FHIT: variants seen among roughly 807,000 people sequenced by gnomAD.
FHIT encodes the protein fragile histidine triad diadenosine triphosphatase, also known as bis(5'-adenosyl)-triphosphatase.
A neutral mutation model predicts 17.9 loss-of-function variants in FHIT; 19 were observed. The observed-to-expected ratio is 1.06, with a 90% CI of 0.74 to 1.56. The LOEUF is 1.56. Among genes scored for constraint, FHIT ranks in the 40% most tolerant of loss-of-function variants. The pLI, the probability that FHIT is intolerant of heterozygous loss-of-function variation, is 0.00. For missense variants in FHIT, 248 were observed against 189.2 expected (o/e 1.31, Z -1.82); for synonymous variants, 81 against 69.7 (o/e 1.16, Z -0.81).
chr3:60,018,576 C>T (rs547067798), intron 5 of FHIT, among the ~76,000 whole-genome samples: 1 of 151,992 alleles, frequency 6.6e-6, no homozygotes, highest in Non-Finnish European at 1.5e-5. Context: ...CAATAACTGT[C>T]AGAGATCATC....
In FHIT at chr3:60,175,662, T is replaced by C. The variant is rs114296296; in HGVS notation, c.104-161510A>G. ...GCACATTTATACACATATTCTACAA[T>C]GGACAATAAAATGAGAAATGCACAG... On this transcript the variant is annotated intron_variant, in intron 5 of 9. Transcript: ENST00000492590. Among the ~76,000 whole-genome samples the C allele has an allele frequency of 8.2e-3, 1,246 of 152,222 alleles. 11 individuals are homozygous for C. The highest frequency in any genetic ancestry group is 0.012 in the Non-Finnish European group (829 of 68,008).
intron 5 of FHIT, among the ~76,000 whole-genome samples, chr3:60,502,908 G>T (rs1315619729): frequency 2.0e-5 from 3 of 152,180 alleles, no homozygotes; most frequent in African/African-American, 7.2e-5. Context: ...AACACATCCA[G>T]AACTTAGTTA....
chr3:60,705,685 G>A (rs1315374161), intron 4 of FHIT, among the ~76,000 whole-genome samples: 3 of 152,182 alleles, frequency 2.0e-5, no homozygotes, highest in Non-Finnish European at 4.4e-5. Flanking sequence ...TCCTGTAGGT[G>A]TAAATGGTGT....
chr3:59,867,603 G>A (rs760344467), intron 8 of FHIT, among the ~76,000 whole-genome samples: 1 of 151,698 alleles, frequency 6.6e-6, no homozygotes, highest in Non-Finnish European at 1.5e-5. Context: ...CCCTTTTTCT[G>A]CTTGTGTGAT....
intron 4 of FHIT, among the ~76,000 whole-genome samples, chr3:60,607,598 G>A (rs916685565): frequency 2.6e-5 from 4 of 151,912 alleles, no homozygotes; most frequent in Admixed American, 2.6e-4. Context: ...CACGTTTCTA[G>A]TATCACAATT....
chr3:61,194,381 G>T (rs1159507767), intron 2 of FHIT, among the ~76,000 whole-genome samples: 1 of 152,030 alleles, frequency 6.6e-6, no homozygotes, highest in African/African-American at 2.4e-5. Context: ...AAGTACTCAG[G>T]ATGCTAAGGT....
rs549421910 is a variant in FHIT at position 61,041,123 on chromosome 3, G to A, written c.-111+924C>T. Among the ~76,000 whole-genome samples, 19 of 152,256 alleles carry A rather than the reference G, an allele frequency of 1.2e-4. 1 individual carries two copies. Among genetic ancestry groups the A allele is most frequent in the Admixed American group, 1.0e-3 (16 of 15,294 alleles). On this transcript the variant is annotated intron_variant, in intron 3 of 9. Transcript: ENST00000492590. ...TGGCTGGGCACGGTGGCTCACACCT[G>A]TAATCCCAGCACTTTAGGAGGCTGA...
chr3:60,696,302 G>A (rs2041113305), intron 4 of FHIT, among the ~76,000 whole-genome samples: 1 of 152,140 alleles, frequency 6.6e-6, no homozygotes, highest in African/African-American at 2.4e-5. Flanking sequence ...ACGTTGAAAA[G>A]TGAATTTCAG....
intron 5 of FHIT, among the ~76,000 whole-genome samples, chr3:60,528,309 T>C (rs1383937426): frequency 6.6e-6 from 1 of 152,096 alleles, no homozygotes; most frequent in East Asian, 1.9e-4. Context: ...TTGTTAGTCA[T>C]AAAATATAAT....
intron 4 of FHIT, among the ~76,000 whole-genome samples, chr3:60,760,673 A>G (rs1699616575): frequency 6.6e-6 from 1 of 152,202 alleles, no homozygotes; most frequent in African/African-American, 2.4e-5. Context: ...CTCCTTCCTA[A>G]GCTAGAAAGG....
At position 61,022,898 on chromosome 3, in the gene FHIT, A is replaced by G. The variant is rs562674252; in HGVS notation, c.-111+19149T>C. 2.7e-3 allele frequency among the ~76,000 whole-genome samples: 414 copies of G among 152,284 alleles called. 3 individuals are homozygous for G. The highest frequency in any genetic ancestry group is 9.6e-3 in the African/African-American group (399 of 41,546). On this transcript the variant is annotated intron_variant, in intron 3 of 9. Transcript: ENST00000492590. The stretch of plus-strand genomic sequence containing the variant: ...CCTACAGCCAATATCCCACCAAATG[A>G]GCAAAAGCTGGAAGCATTCCCTTTG...
At chr3:60,176,068 T>A (rs1045145961) in intron 5 of FHIT, among the ~76,000 whole-genome samples, 5 of 152,174 alleles carry the variant, frequency 3.3e-5, no homozygotes, top group African/African-American at 1.2e-4. Flanking sequence ...AATAGCCACA[T>A]GTGGCCAGGT....
chr3:60,712,042 A>G (rs1553705262), intron 4 of FHIT, among the ~76,000 whole-genome samples: 1 of 152,254 alleles, frequency 6.6e-6, no homozygotes, highest in African/African-American at 2.4e-5. Flanking sequence ...GGTTACCCAC[A>G]AAGGGAAGCC....
chr3:60,654,928 T>C (rs1289949992), intron 4 of FHIT, among the ~76,000 whole-genome samples: 1 of 152,056 alleles, frequency 6.6e-6, no homozygotes. Context: ...GAAAAGGGTA[T>C]TGAGTGCCCA....
At position 59,980,429 on chromosome 3, in the gene FHIT, G is replaced by A. The variant is rs1450979290; in HGVS notation, c.279+30942C>T. ...TTTGCCCAGTTCCTGAAGGTATAAT[G>A]CCTCTGGCTTTAGCTATAGGTTGTT... On this transcript the variant is annotated intron_variant, in intron 7 of 9. Coordinates refer to ENST00000492590, the MANE Select transcript of FHIT (RefSeq NM_002012.4). Among the ~76,000 whole-genome samples the A allele has an allele frequency of 3.9e-5, 6 of 152,274 alleles. 1 individual carries two copies. In the South Asian group the frequency reaches 1.2e-3, roughly 32 times the overall value.
chr3:60,958,068 C>T (rs562174264), intron 3 of FHIT, among the ~76,000 whole-genome samples: 1 of 152,274 alleles, frequency 6.6e-6, no homozygotes, highest in South Asian at 2.1e-4. Flanking sequence ...AAATCTTTTA[C>T]TCAGAAAAGA....
intron 5 of FHIT, among the ~76,000 whole-genome samples, chr3:60,382,474 C>A (rs1700842493): frequency 6.6e-6 from 1 of 152,204 alleles, no homozygotes; most frequent in Non-Finnish European, 1.5e-5. Flanking sequence ...TAATCTGAGA[C>A]AATTCATCTT....
At chr3:60,563,393 TA>T (rs1278808803) in intron 4 of FHIT, among the ~76,000 whole-genome samples, 4 of 152,200 alleles carry the variant, frequency 2.6e-5, no homozygotes, top group African/African-American at 9.7e-5. Flanking sequence ...GACCAACTAA[TA>T]ACCCTACAAT....
At chr3:60,605,442 G>A (rs1479541247) in intron 4 of FHIT, among the ~76,000 whole-genome samples, 3 of 152,160 alleles carry the variant, frequency 2.0e-5, no homozygotes, top group East Asian at 3.8e-4. Context: ...CTCCGCTTAG[G>A]ACAAAGAAGT....
Sources: allele counts gnomAD v4.1 joint callset (sites outside exome capture counted in the v4.1 genomes callset), GRCh38; gene constraint gnomAD v4.1.1; transcripts MANE v1.5; gene names NCBI Gene and HGNC (gene_info 2026-07-23, HGNC 2026-07-21).